The following SPOCK1 variants were observed in gnomAD, a reference collection of about 807,000 sequenced individuals.
SPOCK1 encodes SPARC (osteonectin), cwcv and kazal like domains proteoglycan 1.
SPOCK1 carries 23 observed loss-of-function variants against 55.3 expected under a neutral mutation model. The ratio of observed to expected loss-of-function variants is 0.42; its 90% confidence interval spans 0.30 to 0.59. SPOCK1 has a LOEUF of 0.59. Among genes scored for constraint, SPOCK1 ranks in the 20% least tolerant of loss-of-function variants. SPOCK1 has a pLI of 0.22. For missense variants in SPOCK1, 499 were observed against 552.5 expected (o/e 0.90, Z 0.97); for synonymous variants, 226 against 221.0 (o/e 1.02, Z -0.20).
At chr5:137,395,442 T>A (rs556556511) in intron 2 of SPOCK1, among the ~76,000 whole-genome samples, 1 of 152,340 alleles carries the variant, frequency 6.6e-6, no homozygotes, top group African/African-American at 2.4e-5. Flanking sequence ...TGGTCTGGGA[T>A]GAGCTGGTCT....
intron 2 of SPOCK1, among the ~76,000 whole-genome samples, chr5:137,273,154 T>C (rs1181286480): frequency 6.6e-6 from 1 of 152,196 alleles, no homozygotes; most frequent in African/African-American, 2.4e-5. Flanking sequence ...ACTTGTACTG[T>C]AACTAATGAG....
At chr5:137,317,249 A>G (rs1159522032) in intron 2 of SPOCK1, among the ~76,000 whole-genome samples, 1 of 152,232 alleles carries the variant, frequency 6.6e-6, no homozygotes, top group Non-Finnish European at 1.5e-5. Context: ...AGAAATGTTC[A>G]GTCAAGAAGC....
chr5:137,151,397 G>A (rs901824613), intron 3 of SPOCK1, among the ~76,000 whole-genome samples: 2 of 152,172 alleles, frequency 1.3e-5, no homozygotes, highest in Non-Finnish European at 2.9e-5. Context: ...TCTCACAGTG[G>A]ATTCTGCCCC....
intron 2 of SPOCK1, among the ~76,000 whole-genome samples, chr5:137,364,683 G>A (rs1229707): frequency 0.2 from 29,868 of 152,074 alleles, 3,504 homozygotes; most frequent in Middle Eastern, 0.32. Context: ...CTGCCCCCCC[G>A]AGCCTATATT....
At chr5:137,075,058 C>T (rs1212851398) in intron 5 of SPOCK1, among the ~76,000 whole-genome samples, 4 of 152,116 alleles carry the variant, frequency 2.6e-5, no homozygotes, top group African/African-American at 7.2e-5. Context: ...AGGCTGTTTT[C>T]GAACTCCTGA....
chr5:137,332,612 T>C lies in SPOCK1; in HGVS notation c.187-65557A>G, dbSNP rs1445241012. Reference sequence around the variant, plus strand: ...TGGAGGAGGGGGATGTGCCACGTTTTGTGCAGATAGCAAAGGTTCTGCTCT... The same window carrying C: ...TGGAGGAGGGGGATGTGCCACGTTTCGTGCAGATAGCAAAGGTTCTGCTCT... On this transcript the variant is annotated intron_variant, in intron 2 of 10. Coordinates refer to ENST00000394945, the MANE Select transcript of SPOCK1 (RefSeq NM_004598.4). Among the ~76,000 whole-genome samples the C allele has an allele frequency of 3.9e-5, 6 of 152,248 alleles. No individual in the cohort carries two copies. In the East Asian group the frequency reaches 1.2e-3, roughly 29 times the overall value.
intron 6 of SPOCK1, among the ~76,000 whole-genome samples, chr5:137,052,167 A>C (rs1752219230): frequency 6.6e-6 from 1 of 152,192 alleles, no homozygotes; most frequent in South Asian, 2.1e-4. Context: ...TTTGAGCAAC[A>C]AGAGTGGAGC....
At chr5:137,391,716 C>T (rs1189093800) in intron 2 of SPOCK1, among the ~76,000 whole-genome samples, 1 of 152,138 alleles carries the variant, frequency 6.6e-6, no homozygotes, top group Non-Finnish European at 1.5e-5. Flanking sequence ...TCCTGGTCTG[C>T]ATTTTTCACA....
At chr5:137,378,858 A>G (rs572150999) in intron 2 of SPOCK1, among the ~76,000 whole-genome samples, 1 of 152,294 alleles carries the variant, frequency 6.6e-6, no homozygotes, top group South Asian at 2.1e-4. Flanking sequence ...GAGAGAAGAA[A>G]GCAGCATCAG....
chr5:136,985,261 T>C (rs1417087180), intron 8 of SPOCK1, 59 bp from the exon 9 acceptor site: 2 of 1,449,282 alleles, frequency 1.4e-6, no homozygotes, highest in Non-Finnish European at 9.7e-7. Flanking sequence ...TCGCTAATGA[T>C]TGACTTCACT....
chr5:137,367,785 A>G (rs1435465357), intron 2 of SPOCK1, among the ~76,000 whole-genome samples: 1 of 152,206 alleles, frequency 6.6e-6, no homozygotes, highest in Non-Finnish European at 1.5e-5. Flanking sequence ...GGCACCAACT[A>G]CCTGCTGATA....
At chr5:137,443,737 C>A (rs748063751) in intron 2 of SPOCK1, among the ~76,000 whole-genome samples, 3 of 152,236 alleles carry the variant, frequency 2.0e-5, no homozygotes, top group Admixed American at 1.3e-4. Flanking sequence ...CTAGCTTTCA[C>A]ATGAGCACTA....
intron 2 of SPOCK1, among the ~76,000 whole-genome samples, chr5:137,323,181 A>C (rs944928971): frequency 1.3e-5 from 2 of 152,250 alleles, no homozygotes; most frequent in African/African-American, 4.8e-5. Flanking sequence ...GTCCTTCCCT[A>C]TTGGTAATTA....
Position 137,046,847 on chromosome 5 carries a change from A to C in SPOCK1, c.589+20868T>G, listed in dbSNP as rs1372452894. Among the ~76,000 whole-genome samples, 3 of 29,908 alleles carry C rather than the reference A, an allele frequency of 1.0e-4. 1 individual carries two copies. The highest frequency in any genetic ancestry group is 2.1e-4 in the African/African-American group (3 of 14,060). 19.6% of individuals were successfully genotyped at this position (29,908 alleles called of 152,430 possible). A position where few individuals can be genotyped will look rare whatever the true frequency, so the allele number is the denominator to read the frequency against. ...TAATTTATTGACAGTTTTTAGCATG[A>C]AGCGTTGTTGAATTTTGTCAAAGGC... On this transcript the variant is annotated intron_variant, in intron 6 of 10. Transcript: ENST00000394945.
chr5:137,214,319 G>C (rs1002700875), intron 3 of SPOCK1, among the ~76,000 whole-genome samples: 3 of 152,150 alleles, frequency 2.0e-5, no homozygotes, highest in African/African-American at 7.2e-5. Context: ...TGAAACCCAA[G>C]TTTGTCTGAA....
At chr5:137,466,824 TA>T (rs1186661959) in intron 2 of SPOCK1, among the ~76,000 whole-genome samples, 1 of 152,196 alleles carries the variant, frequency 6.6e-6, no homozygotes, top group Non-Finnish European at 1.5e-5. Context: ...ATTAGTAGCT[TA>T]AAATAGTGAG....
intron 6 of SPOCK1, among the ~76,000 whole-genome samples, chr5:137,009,522 G>A (rs1197109572): frequency 6.6e-6 from 1 of 152,118 alleles, no homozygotes; most frequent in African/African-American, 2.4e-5. Context: ...GCCTCTTCAA[G>A]CATACACAAT....
chr5:137,324,492 C>T lies in SPOCK1; in HGVS notation c.187-57437G>A, dbSNP rs188120175. Among the ~76,000 whole-genome samples the T allele has an allele frequency of 2.1e-3, 313 of 152,192 alleles. 3 individuals carry two copies. The highest frequency in any genetic ancestry group is 1.0e-3 in the Non-Finnish European group (68 of 68,012). On this transcript the variant is annotated intron_variant, in intron 2 of 10. Transcript: ENST00000394945. ...CTTACAAATGGATGAACCTGGAAGA[C>T]GTTGTGTTAAATAATACAAGCCAGT...
intron 2 of SPOCK1, among the ~76,000 whole-genome samples, chr5:137,308,811 C>T (rs1757744068): frequency 1.3e-5 from 2 of 152,086 alleles, no homozygotes; most frequent in South Asian, 2.1e-4. Context: ...TACTCAGCAG[C>T]CATTAGAAAC....
Sources: gnomAD v4.1 joint callset for allele counts (sites outside exome capture counted in the v4.1 genomes callset) on GRCh38, gnomAD v4.1.1 for gene constraint, MANE v1.5 for transcripts, NCBI Gene and HGNC (gene_info 2026-07-23, HGNC 2026-07-21) for gene names.